Variants in MARK4 observed in about 807,000 individuals in gnomAD.
MARK4 encodes microtubule affinity regulating kinase 4.
In MARK4, 19 loss-of-function variants were observed where a neutral mutation model predicts 81.5. That is an observed-to-expected ratio of 0.23 (90% confidence interval 0.16 to 0.34). The LOEUF (loss-of-function observed/expected upper bound fraction) is 0.34, where lower values mean the gene tolerates loss of function less well. Among genes scored for constraint, MARK4 ranks in the 10% least tolerant of loss-of-function variants. The pLI is 1.00. For synonymous variants in MARK4, 436 were observed against 439.0 expected (o/e 0.99, Z 0.08); for missense variants, 772 against 1,058.8 (o/e 0.73, Z 3.76).
chr19:45,254,503 A>G (rs2123019565), intron 1 of MARK4, among the ~76,000 whole-genome samples: 1 of 152,322 alleles, frequency 6.6e-6, no homozygotes, highest in African/African-American at 2.4e-5. Flanking sequence ...AGCCTGGCTC[A>G]GCACTCAGGA....
intron 13 of MARK4, among the ~76,000 whole-genome samples, chr19:45,290,821 G>T (rs1345288873): frequency 1.3e-5 from 2 of 152,174 alleles, no homozygotes; most frequent in Non-Finnish European, 2.9e-5. Flanking sequence ...CCAGGTTCAG[G>T]GCCCTGGACT....
chr19:45,279,022 CA>C (rs1187758655), intron 10 of MARK4, among the ~76,000 whole-genome samples: 2 of 151,940 alleles, frequency 1.3e-5, no homozygotes, highest in Non-Finnish European at 2.9e-5. Context: ...AGTTGGAGAC[CA>C]GCCTGGCCAA....
Position 45,302,298 on chromosome 19 carries a change from G to A in MARK4, c.1923-76G>A. ...TGGCTAGGAATGTGTCCCGAATTGG[G>A]AAGAGTTGTCCCTTCAGCCCTCCAC... On this transcript the variant is annotated intron_variant, in intron 16 of 16. Coordinates refer to ENST00000262891, the MANE Select transcript of MARK4 (RefSeq NM_001199867.2). This position sits in a 1 kb window ranked among gnomAD's most constrained non-coding sequence, Gnocchi z 4.9. 6.2e-7 allele frequency: 1 copy of A among 1,601,278 alleles called. No homozygotes were observed. The highest frequency in any genetic ancestry group is 1.7e-5 in the Admixed American group (1 of 58,644).
chr19:45,289,654 C>T (rs1238924416), intron 13 of MARK4, among the ~76,000 whole-genome samples: 3 of 151,488 alleles, frequency 2.0e-5, no homozygotes, highest in Non-Finnish European at 4.4e-5. Context: ...CCTGTAATCC[C>T]AGCTACTCAG....
chr19:45,297,967 G>A lies in MARK4; in HGVS notation c.1877+13G>A. 2.6e-6 allele frequency: 4 copies of A among 1,551,724 alleles called. No homozygotes were observed. Among genetic ancestry groups the A allele is most frequent in the Non-Finnish European group, 3.5e-6 (4 of 1,147,122 alleles). On this transcript the variant is annotated intron_variant, in intron 15 of 16. Coordinates refer to ENST00000262891, the MANE Select transcript of MARK4 (RefSeq NM_001199867.2). ...AACTGACCCGAAGGTGAGCTCCGCG[G>A]GGATGGCAGGGGCAGGGCGGGGCGG...
Position 45,278,593 on chromosome 19 carries a change from C to T in MARK4, c.984C>T (p.Asp328=), listed in dbSNP as rs1319943242. 6.2e-7 allele frequency: 1 copy of T among 1,613,734 alleles called. No homozygotes were observed. The highest frequency in any genetic ancestry group is 8.5e-7 in the Non-Finnish European group (1 of 1,179,828). ...AGCCATACACAGAGCCCGAGGAGGA[C>T]TTCGGGGACACCAAGAGAATTGGTG... ...ELKPYTEPEE[D]FGDTKRIEVM... is the part of the protein sequence containing the mutation. The change falls in exon 10 of 17, where the codon GAC becomes GAT. Residue 328 remains aspartate (D), a synonymous_variant. Coordinates refer to ENST00000262891, the MANE Select transcript of MARK4 (RefSeq NM_001199867.2).
intron 14 of MARK4, 108 bp from the exon 15 acceptor site, chr19:45,297,568 A>AG: frequency 1.5e-6 from 1 of 651,644 alleles, no homozygotes; most frequent in Non-Finnish European, 2.6e-6. Context: ...TCTGAGTTCC[A>AG]GGCTGGTTGC....
chr19:45,303,049 A>C lies in MARK4; in HGVS notation c.*339A>C. ...CTTCCATTCCTCCCAACAGCTCAAA[A>C]TTAGGCCTTGGGCAGGGGCAGGGAG... On this transcript the variant is annotated 3_prime_UTR_variant, in exon 17 of 17. Coordinates refer to ENST00000262891, the MANE Select transcript of MARK4 (RefSeq NM_001199867.2). 5.8e-5 allele frequency: 18 copies of C among 311,824 alleles called. No individual in the cohort carries two copies. Among genetic ancestry groups the C allele is most frequent in the Non-Finnish European group, 9.0e-5 (15 of 167,556 alleles). 19.3% of individuals were successfully genotyped at this position (311,824 alleles called of 1,614,324 possible).
rs144143514 is a variant in MARK4, at chr19:45,280,643, C to T, written c.1185C>T (p.Asn395=). ...TGCGGGCGCCCAGCGACACCACCAA[C>T]GGAACAAGTTCCAGCAAAGGCACCA... ...ARVRAPSDTT[N]GTSSSKGTSH... is the part of the protein sequence containing the mutation. The change falls in exon 12 of 17, where the codon AAC becomes AAT. Residue 395 remains asparagine (N), a synonymous_variant. Transcript: ENST00000262891. 4.8e-5 allele frequency: 78 copies of T among 1,614,188 alleles called. No homozygotes were observed. The highest frequency in any genetic ancestry group is 3.3e-4 in the Middle Eastern group (2 of 6,060).
chr19:45,281,791 G>A (rs1156674107), intron 12 of MARK4, among the ~76,000 whole-genome samples: 1 of 152,190 alleles, frequency 6.6e-6, no homozygotes, highest in African/African-American at 2.4e-5. Context: ...TGTACAAAGT[G>A]GCTGCTGAGA....
At chr19:45,253,855 C>T (rs924192332) in intron 1 of MARK4, among the ~76,000 whole-genome samples, 4 of 152,144 alleles carry the variant, frequency 2.6e-5, no homozygotes, top group South Asian at 2.1e-4. Flanking sequence ...TGTGTGACCT[C>T]GGGCAAGTAA....
chr19:45,287,872 T>C (rs1051696773), intron 13 of MARK4: 1 of 637,584 alleles, frequency 1.6e-6, no homozygotes. Flanking sequence ...TATAAATTAG[T>C]GTTCTGTGTC....
intron 12 of MARK4, among the ~76,000 whole-genome samples, chr19:45,285,606 G>A (rs541201166): frequency 8.1e-4 from 122 of 150,680 alleles, no homozygotes; most frequent in Non-Finnish European, 1.5e-3. Flanking sequence ...ATGACAGGGC[G>A]TGCCCAGAAA....
In MARK4 at chr19:45,294,262, C is replaced by G. The variant is rs904651193; in HGVS notation, c.1495-87C>G. ...CCACATGAGCCCCTGACTTATTCAT[C>G]GATGGGGAGGGCAGAGAAGGGAAGA... On this transcript the variant is annotated intron_variant, in intron 13 of 16. Coordinates refer to ENST00000262891, the MANE Select transcript of MARK4 (RefSeq NM_001199867.2). 26 of 1,263,922 alleles carry G rather than the reference C, an allele frequency of 2.1e-5. No individual in the cohort carries two copies. In the African/African-American group the frequency reaches 3.2e-4, roughly 16 times the overall value. The allele number at this position is 1,263,922 out of a possible 1,614,324, so 78.3% of individuals were successfully genotyped here. A position where few individuals can be genotyped will look rare whatever the true frequency, so the allele number is the denominator to read the frequency against.
Position 45,297,900 on chromosome 19 carries a change from G to T in MARK4, c.1823G>T (p.Arg608Leu), listed in dbSNP as rs1398035769. The T allele has an allele frequency of 1.9e-6, 3 of 1,549,804 alleles. No homozygotes were observed. In the African/African-American group the frequency reaches 4.1e-5, roughly 21 times the overall value. The change falls in exon 15 of 17, where the codon CGG becomes CTG. Residue 608 changes from arginine (R) to leucine (L), a missense_variant. By Grantham distance (102) the Arg-to-Leu change is moderately radical. Coordinates refer to ENST00000262891, the MANE Select transcript of MARK4 (RefSeq NM_001199867.2). ...AHEAAPLPAG[R>L]PRPTTNLFTK... Reference sequence around the variant, plus strand: ...GAGGCTGCACCCCTGCCCGCCGGGCGGCCCCGCCCCACCACCAACCTCTTC... The same window carrying T: ...GAGGCTGCACCCCTGCCCGCCGGGCTGCCCCGCCCCACCACCAACCTCTTC...
intron 8 of MARK4, among the ~76,000 whole-genome samples, chr19:45,275,539 C>T (rs1371612827): frequency 1.3e-5 from 2 of 152,022 alleles, no homozygotes; most frequent in Non-Finnish European, 2.9e-5. Context: ...TTAAGCCCTT[C>T]ACTGGAGCTT....
At position 45,251,652 on chromosome 19, in the gene MARK4, C is replaced by T; in HGVS notation, c.51+13C>T. On this transcript the variant is annotated intron_variant, in intron 1 of 16. Coordinates refer to ENST00000262891, the MANE Select transcript of MARK4 (RefSeq NM_001199867.2). ...GAACTCGGACACGGTGAGTGGGGCCCGGCCCCTTGGGGAGCCCTGGCTGGG... is the reference window on the plus strand; with the variant it reads ...GAACTCGGACACGGTGAGTGGGGCCTGGCCCCTTGGGGAGCCCTGGCTGGG... 5 of 1,514,478 alleles carry T rather than the reference C, an allele frequency of 3.3e-6. No individual in the cohort carries two copies. The highest frequency in any genetic ancestry group is 1.3e-5 in the South Asian group (1 of 79,484). 93.8% of individuals were successfully genotyped at this position (1,514,478 alleles called of 1,614,324 possible).
In MARK4 at chr19:45,255,931, G is replaced by T. The variant is rs1970302582; in HGVS notation, c.52-3058G>T. 2.6e-5 allele frequency among the ~76,000 whole-genome samples: 4 copies of T among 152,394 alleles called. 1 individual carries two copies. The South Asian group carries it at 6.2e-4, about 24-fold the overall frequency. ...TGGGGCTTCCAATCAGGCCAGGGCAGCTCAGAGCAGGCAGGTGACCTGCGG... is the reference window on the plus strand; with the variant it reads ...TGGGGCTTCCAATCAGGCCAGGGCATCTCAGAGCAGGCAGGTGACCTGCGG... On this transcript the variant is annotated intron_variant, in intron 1 of 16. Coordinates refer to ENST00000262891, the MANE Select transcript of MARK4 (RefSeq NM_001199867.2).
chr19:45,293,314 A>T (rs1970842818), intron 13 of MARK4, among the ~76,000 whole-genome samples: 4 of 152,170 alleles, frequency 2.6e-5, no homozygotes. Context: ...GGTAAAAATC[A>T]ATTAAGGAAA....
Sources: allele counts gnomAD v4.1 joint callset (sites outside exome capture counted in the v4.1 genomes callset), GRCh38; gene constraint gnomAD v4.1.1; non-coding constraint Gnocchi (gnomAD v3.1); transcripts MANE v1.5; gene names NCBI Gene and HGNC (gene_info 2026-07-23, HGNC 2026-07-21).